The following COPS4 variants were observed in gnomAD, a reference collection of about 807,000 sequenced individuals.
COPS4 encodes COP9 signalosome complex subunit 4.
A neutral mutation model predicts 55.1 loss-of-function variants in COPS4; 8 were observed. That is an observed-to-expected ratio of 0.15 (90% CI 0.09 to 0.26). COPS4 has a LOEUF of 0.26. COPS4 is among the 10% of genes least tolerant of loss of function. The probability of loss-of-function intolerance (pLI) is 1.00; values close to 1 mark genes in which losing one functional copy is unlikely to be tolerated. For missense variants in COPS4, 248 were observed against 484.0 expected (o/e 0.51, Z 4.58); for synonymous variants, 185 against 165.7 (o/e 1.12, Z -0.90).
chr4:83,066,379 G>C (rs1259471487), intron 7 of COPS4, 59 bp from the exon 8 acceptor site: 2 of 775,310 alleles, frequency 2.6e-6, no homozygotes, highest in Non-Finnish European at 4.1e-6. Flanking sequence ...AAAAAATGAT[G>C]CATCTTTTTA....
chr4:83,045,102 T>C (rs1048625280), intron 1 of COPS4, among the ~76,000 whole-genome samples: 1 of 152,258 alleles, frequency 6.6e-6, no homozygotes. Flanking sequence ...ACATTCAGTC[T>C]TTAATGTTTG....
chr4:83,050,309 G>T (rs1250961651), intron 4 of COPS4, among the ~76,000 whole-genome samples: 1 of 151,936 alleles, frequency 6.6e-6, no homozygotes, highest in Non-Finnish European at 1.5e-5. Context: ...TGTTGTTGTT[G>T]TTTTTTGTGA....
chr4:83,045,729 C>T (rs776563051), intron 2 of COPS4, 24 bp downstream of exon 2: 1 of 1,545,300 alleles, frequency 6.5e-7, no homozygotes, highest in South Asian at 1.1e-5. Flanking sequence ...AAATTTCATG[C>T]TTGCCTTGTA....
rs143607253 is a variant in COPS4 at position 83,075,642 on chromosome 4, C to G, written c.*212C>G. ...AGGGTCTCTGTGTATTAAGCTAACT[C>G]AGATGTTTTGAAAGCTTTTTCTTTA... On this transcript the variant is annotated 3_prime_UTR_variant, in exon 10 of 10. Coordinates refer to ENST00000264389, the MANE Select transcript of COPS4 (RefSeq NM_016129.3). 1.6e-4 allele frequency: 67 copies of G among 428,154 alleles called. No individual in the cohort carries two copies. The highest frequency in any genetic ancestry group is 1.2e-3 in the African/African-American group (59 of 49,344). The allele number at this position is 428,154 out of a possible 1,614,324, so 26.5% of individuals were successfully genotyped here.
chr4:83,055,693 G>A (rs1331848059), intron 4 of COPS4, among the ~76,000 whole-genome samples: 5 of 151,728 alleles, frequency 3.3e-5, no homozygotes, highest in African/African-American at 4.8e-5. Context: ...TGCCCGCCTC[G>A]GGCTCCCAAA....
At chr4:83,067,600 G>A (rs199856995) in intron 8 of COPS4, among the ~76,000 whole-genome samples, 1 of 149,428 alleles carries the variant, frequency 6.7e-6, no homozygotes, top group Admixed American at 6.7e-5. Context: ...CTGGTCCCAA[G>A]TGATCCTCCT....
intron 1 of COPS4, among the ~76,000 whole-genome samples, chr4:83,043,805 A>G (rs1242492977): frequency 6.6e-6 from 1 of 152,214 alleles, no homozygotes; most frequent in Non-Finnish European, 1.5e-5. Context: ...GCAATATTGA[A>G]AATATAATTT....
intron 4 of COPS4, among the ~76,000 whole-genome samples, chr4:83,050,186 T>C (rs28391784): frequency 0.065 from 9,904 of 152,006 alleles, 1,086 homozygotes; most frequent in African/African-American, 0.22. Context: ...AATAGGGTGA[T>C]TGGGGTAGTA....
At chr4:83,068,371 C>G (rs1195782966) in intron 8 of COPS4, 67 bp from the exon 9 acceptor site, 6 of 1,075,274 alleles carry the variant, frequency 5.6e-6, no homozygotes, top group Non-Finnish European at 8.5e-6. Context: ...GCTTTCTGTT[C>G]TCTTTTCATA....
intron 4 of COPS4, among the ~76,000 whole-genome samples, chr4:83,052,132 G>C (rs899071320): frequency 6.6e-6 from 1 of 152,194 alleles, no homozygotes; most frequent in African/African-American, 2.4e-5. Context: ...AGAATGGGAA[G>C]AGAAGATGTG....
At chr4:83,071,227 A>G (rs1039943246) in intron 9 of COPS4, among the ~76,000 whole-genome samples, 1 of 152,166 alleles carries the variant, frequency 6.6e-6, no homozygotes, top group East Asian at 1.9e-4. Flanking sequence ...CTTATTTTCC[A>G]TGGTACATCC....
In COPS4 at chr4:83,063,261, TTA is replaced by T. The variant is rs780096250; in HGVS notation, c.886+17_886+18del. The T allele has an allele frequency of 2.6e-5, 42 of 1,606,808 alleles. No individual in the cohort carries two copies. In the South Asian group the frequency reaches 4.4e-4, roughly 17 times the overall value. On this transcript the variant is annotated intron_variant, in intron 7 of 9. Coordinates refer to ENST00000264389, the MANE Select transcript of COPS4 (RefSeq NM_016129.3). ...TACAGCTGATGGTAATGATCCTGTC[TTA>T]TGTGTATATGGTAGTCAATGTTTAG...
intron 9 of COPS4, among the ~76,000 whole-genome samples, chr4:83,072,946 G>A (rs1375558696): frequency 6.6e-5 from 10 of 152,112 alleles, no homozygotes; most frequent in African/African-American, 2.4e-4. Context: ...GGAGGTTGAG[G>A]TGGAAGAATT....
At chr4:83,064,825 A>G (rs1322743216) in intron 7 of COPS4, among the ~76,000 whole-genome samples, 1 of 140,774 alleles carries the variant, frequency 7.1e-6, no homozygotes, top group African/African-American at 2.7e-5. Context: ...CTTCCAGAGC[A>G]CTGGGATTAC....
At position 83,068,673 on chromosome 4, in the gene COPS4, A is replaced by T; in HGVS notation, c.1087+151A>T. ...GAAATAATTTAAAATAATTTTTAAG[A>T]AGTTATATTCATGAGGCTGGGCATG... On this transcript the variant is annotated intron_variant, in intron 9 of 9. Transcript: ENST00000264389. 7 of 593,944 alleles carry T rather than the reference A, an allele frequency of 1.2e-5. 1 individual carries two copies. In the South Asian group the frequency reaches 1.6e-4, roughly 13 times the overall value. The allele number at this position is 593,944 out of a possible 1,614,324, so 36.8% of individuals were successfully genotyped here.
At chr4:83,040,955 G>T (rs1387200741) in intron 1 of COPS4, among the ~76,000 whole-genome samples, 1 of 151,096 alleles carries the variant, frequency 6.6e-6, no homozygotes, top group Non-Finnish European at 1.5e-5. Context: ...ACTGAATTTG[G>T]TTCATATACA....
chr4:83,062,210 T>G (rs1477417298), intron 6 of COPS4, among the ~76,000 whole-genome samples: 1 of 152,232 alleles, frequency 6.6e-6, no homozygotes, highest in Non-Finnish European at 1.5e-5. Context: ...TATTTTTTCA[T>G]CTTTTATAAA....
chr4:83,049,801 T>C (rs1730816117), intron 3 of COPS4, 80 bp from the exon 4 acceptor site: 1 of 865,642 alleles, frequency 1.2e-6, no homozygotes, highest in Non-Finnish European at 1.8e-6. Flanking sequence ...GAATTGCCAC[T>C]TTAGAATAAC....
intron 9 of COPS4, among the ~76,000 whole-genome samples, chr4:83,070,792 TAAAC>T (rs964725284): frequency 3.3e-5 from 5 of 152,200 alleles, no homozygotes; most frequent in Admixed American, 2.0e-4. Context: ...AAAAAAGAAA[TAAAC>T]AAATAGTTAA....
Sources: allele counts gnomAD v4.1 joint callset (sites outside exome capture counted in the v4.1 genomes callset), GRCh38; gene constraint gnomAD v4.1.1; transcripts MANE v1.5; gene names NCBI Gene and HGNC (gene_info 2026-07-23, HGNC 2026-07-21).